MYH9: variants seen among roughly 807,000 people sequenced by gnomAD.
MYH9 encodes myosin-9.
MYH9 carries 29 observed loss-of-function variants against 241.9 expected under a neutral mutation model. The observed-to-expected ratio is 0.12, with a 90% CI of 0.09 to 0.16. MYH9 has a LOEUF of 0.16. Among genes scored for constraint, MYH9 ranks in the 10% least tolerant of loss-of-function variants. The pLI is 1.00. For missense variants in MYH9, 1,803 were observed against 2,595.5 expected (o/e 0.69, Z 6.63); for synonymous variants, 1,047 against 1,062.6 (o/e 0.99, Z 0.29).
At chr22:36,378,778 T>C (rs946319140) in intron 1 of MYH9, among the ~76,000 whole-genome samples, 2 of 151,806 alleles carry the variant, frequency 1.3e-5, no homozygotes, top group East Asian at 1.9e-4. Context: ...TAAGGAAAGA[T>C]TAAAGGAGCT....
At chr22:36,387,208 G>A (rs920443145) in intron 1 of MYH9, among the ~76,000 whole-genome samples, 1 of 152,176 alleles carries the variant, frequency 6.6e-6, no homozygotes, top group Admixed American at 6.5e-5. Flanking sequence ...GCGGGCGAAT[G>A]AGGAAGTCGG....
At chr22:36,343,268 G>A (rs965819597) in intron 2 of MYH9, among the ~76,000 whole-genome samples, 1 of 152,146 alleles carries the variant, frequency 6.6e-6, no homozygotes, top group African/African-American at 2.4e-5. Context: ...CACACACAGG[G>A]GCTCACACTG....
In MYH9 at chr22:36,300,390, C is replaced by T. The variant is rs573184269; in HGVS notation, c.2839-126G>A. 9.2e-6 allele frequency: 13 copies of T among 1,410,714 alleles called. No individual in the cohort carries two copies. In the African/African-American group the frequency reaches 1.8e-4, roughly 20 times the overall value. The allele number at this position is 1,410,714 out of a possible 1,614,324, so 87.4% of individuals were successfully genotyped here. A position where few individuals can be genotyped will look rare whatever the true frequency, so the allele number is the denominator to read the frequency against. ...ATAGCAAGGTCTGTGAGCCCAGGGC[C>T]ATGGCTGAGGTGGGGACGGCAAGGT... On this transcript the variant is annotated intron_variant, in intron 22 of 40. Transcript: ENST00000216181. This position sits in a 1 kb window ranked among gnomAD's most constrained non-coding sequence, Gnocchi z 5.0.
At chr22:36,304,975 G>C in intron 18 of MYH9, 58 bp downstream of exon 18, 1 of 1,548,792 alleles carries the variant, frequency 6.5e-7, no homozygotes, top group Non-Finnish European at 8.9e-7. Context: ...GGCCACGTGG[G>C]CACTCCCCAG....
intron 3 of MYH9, among the ~76,000 whole-genome samples, chr22:36,333,108 G>C (rs1248904183): frequency 6.6e-6 from 1 of 152,222 alleles, no homozygotes. Flanking sequence ...ACACACACAG[G>C]GAGCATGGCA....
chr22:36,297,061 G>C, intron 24 of MYH9, 47 bp from the exon 25 acceptor site: 1 of 1,598,288 alleles, frequency 6.3e-7, no homozygotes, highest in South Asian at 1.1e-5. Flanking sequence ...CATGGGTTCT[G>C]TCTCCGTGTC....
intron 14 of MYH9, among the ~76,000 whole-genome samples, chr22:36,311,022 C>G (rs1336645498): frequency 1.3e-5 from 2 of 152,180 alleles, no homozygotes. Flanking sequence ...TGTGCTAGAA[C>G]CGGGCCTGGA....
At chr22:36,366,667 A>G (rs570345734) in intron 1 of MYH9, among the ~76,000 whole-genome samples, 1 of 152,286 alleles carries the variant, frequency 6.6e-6, no homozygotes, top group South Asian at 2.1e-4. Context: ...TCAGCATCCA[A>G]GGTAACAAGA....
chr22:36,367,189 G>A (rs903779768), intron 1 of MYH9, among the ~76,000 whole-genome samples: 2 of 152,076 alleles, frequency 1.3e-5, no homozygotes, highest in African/African-American at 2.4e-5. Flanking sequence ...CTCTTCCTTC[G>A]TCACCCTCCG....
At chr22:36,365,468 T>G (rs2017996662) in intron 1 of MYH9, among the ~76,000 whole-genome samples, 1 of 152,166 alleles carries the variant, frequency 6.6e-6, no homozygotes, top group South Asian at 2.1e-4. Context: ...ATTTTTATTT[T>G]TTTATTTTAT....
chr22:36,333,011 T>C (rs2017447736), intron 3 of MYH9, among the ~76,000 whole-genome samples: 1 of 151,944 alleles, frequency 6.6e-6, no homozygotes, highest in African/African-American at 2.4e-5. Context: ...ACATTTCCCT[T>C]GCGAAAAGGA....
intron 1 of MYH9, among the ~76,000 whole-genome samples, chr22:36,382,873 T>C (rs1053392587): frequency 6.6e-6 from 1 of 152,092 alleles, no homozygotes; most frequent in African/African-American, 2.4e-5. Context: ...ATACATAACT[T>C]GTGGGCACAT....
intron 9 of MYH9, 192 bp from the exon 10 acceptor site, chr22:36,319,827 C>A (rs1603483427): frequency 6.7e-6 from 1 of 148,526 alleles, no homozygotes; most frequent in Admixed American, 1.4e-4. Flanking sequence ...AGAGGGCTCA[C>A]CCCCTCCTGG....
intron 1 of MYH9, among the ~76,000 whole-genome samples, chr22:36,383,225 G>A (rs767584562): frequency 3.3e-5 from 5 of 151,966 alleles, no homozygotes; most frequent in Admixed American, 6.6e-5. Flanking sequence ...GCTTCAAAAC[G>A]AAATCAAAAA....
chr22:36,347,858 G>C (rs551132926), intron 2 of MYH9, among the ~76,000 whole-genome samples: 1 of 151,276 alleles, frequency 6.6e-6, no homozygotes, highest in South Asian at 2.1e-4. Flanking sequence ...ATGGGCTTGG[G>C]GCAAATGGTG....
At position 36,312,036 on chromosome 22, in the gene MYH9, G is replaced by T. The variant is rs1187264836; in HGVS notation, c.1728+13C>A. ...GAAGATCTGGCCAGCACCTCCCCGT[G>T]AGCGCTCCTCACCTTGCCGGCATAG... On this transcript the variant is annotated intron_variant, in intron 14 of 40. Transcript: ENST00000216181. The T allele has an allele frequency of 2.5e-6, 4 of 1,613,690 alleles. No homozygotes were observed. The highest frequency in any genetic ancestry group is 3.4e-6 in the Non-Finnish European group (4 of 1,179,960).
At chr22:36,292,801 A>G (rs1029413879) in intron 30 of MYH9, among the ~76,000 whole-genome samples, 3 of 152,230 alleles carry the variant, frequency 2.0e-5, no homozygotes, top group African/African-American at 7.2e-5. Context: ...ACTCCTTCTC[A>G]TGACAATGTT....
chr22:36,285,424 A>T lies in MYH9; in HGVS notation c.5275-95T>A, dbSNP rs2016563285. 7.0e-7 allele frequency: 1 copy of T among 1,422,474 alleles called. No homozygotes were observed. 88.1% of individuals were successfully genotyped at this position (1,422,474 alleles called of 1,614,324 possible). Reference sequence around the variant, plus strand: ...GGAAGGTGGCAGCAGGATCCCACCAAACCCTTGGGGTCCAGAGTCTTGGGT... The same window carrying T: ...GGAAGGTGGCAGCAGGATCCCACCATACCCTTGGGGTCCAGAGTCTTGGGT... On this transcript the variant is annotated intron_variant, in intron 37 of 40. Coordinates refer to ENST00000216181, the MANE Select transcript of MYH9 (RefSeq NM_002473.6). This position sits in a 1 kb window ranked among gnomAD's most constrained non-coding sequence, Gnocchi z 7.0.
At chr22:36,309,864 C>T (rs1213997144) in intron 14 of MYH9, among the ~76,000 whole-genome samples, 1 of 152,080 alleles carries the variant, frequency 6.6e-6, no homozygotes, top group Non-Finnish European at 1.5e-5. Flanking sequence ...GAAATATATT[C>T]TGTTTTTAAA....
Sources: gnomAD v4.1 joint callset for allele counts (sites outside exome capture counted in the v4.1 genomes callset) on GRCh38, gnomAD v4.1.1 for gene constraint, Gnocchi (gnomAD v3.1) non-coding constraint, MANE v1.5 for transcripts, NCBI Gene and HGNC (gene_info 2026-07-23, HGNC 2026-07-21) for gene names.